Variants in SPRR2G observed in about 807,000 individuals in gnomAD.
SPRR2G encodes the protein small proline rich protein 2G.
In SPRR2G, 1 loss-of-function variant was observed where a neutral mutation model predicts 0.7. The observed-to-expected ratio is 1.49, with a 90% CI of 0.53 to 7.06. The LOEUF is 7.06. SPRR2G is among the 30% of genes most tolerant of loss of function. SPRR2G has a pLI of 0.14. For synonymous variants in SPRR2G, 38 were observed against 33.9 expected, an observed-to-expected ratio of 1.12 and a Z score of -0.42; for missense variants, 96 against 88.5, an observed-to-expected ratio of 1.09 and a Z score of -0.34.
At chr1:153,151,181 C>T (rs1384745456), upstream of SPRR2G, among the ~76,000 whole-genome samples, 2 of 150,852 alleles carry the variant, frequency 1.3e-5, no homozygotes, top group African/African-American at 5.0e-5. Context: ...CTCCTACTTC[C>T]CAGCTTCCAA....
chr1:153,200,638 C>T, the SPRR2G span, among the ~76,000 whole-genome samples: 1 of 151,624 alleles, frequency 6.6e-6, no homozygotes, highest in South Asian at 2.1e-4. Context: ...ATGAAGGAAT[C>T]GAGACCTGGA....
At chr1:153,174,861 C>A in the SPRR2G span, among the ~76,000 whole-genome samples, 1 of 152,212 alleles carries the variant, frequency 6.6e-6, no homozygotes, top group African/African-American at 2.4e-5. Context: ...TCAGGAAATC[C>A]AGTTTTGCTA....
At chr1:153,186,544 CT>C in the SPRR2G span, among the ~76,000 whole-genome samples, 46 of 151,006 alleles carry the variant, frequency 3.0e-4, no homozygotes, top group African/African-American at 9.4e-4. Flanking sequence ...AATCCCTGCT[CT>C]TTTTTTTTCT....
At chr1:153,190,476 G>C in the SPRR2G span, 1 of 152,264 alleles carries the variant, frequency 6.6e-6, no homozygotes, top group Non-Finnish European at 1.5e-5. Flanking sequence ...TTTTCACCCA[G>C]GAGACAACAT....
At chr1:153,181,580 C>T in the SPRR2G span, among the ~76,000 whole-genome samples, 14 of 152,052 alleles carry the variant, frequency 9.2e-5, 1 homozygote, top group Non-Finnish European at 1.6e-4. Context: ...CACATACACG[C>T]CTTTCCCAGC....
chr1:153,181,490 G>A, the SPRR2G span, among the ~76,000 whole-genome samples: 609 of 152,074 alleles, frequency 4.0e-3, 9 homozygotes, highest in African/African-American at 0.013. Flanking sequence ...TCTAATATCA[G>A]TCATTAGAAC....
chr1:153,201,876 A>G, the SPRR2G span, among the ~76,000 whole-genome samples: 1 of 152,316 alleles, frequency 6.6e-6, no homozygotes, highest in East Asian at 1.9e-4. Context: ...ATAACCACCC[A>G]AGAGGGTTGA....
At chr1:153,177,698 A>G in the SPRR2G span, among the ~76,000 whole-genome samples, 3 of 152,186 alleles carry the variant, frequency 2.0e-5, no homozygotes, top group Non-Finnish European at 4.4e-5. Flanking sequence ...ATTTATCTAT[A>G]TGTGTATTCA....
the SPRR2G span, among the ~76,000 whole-genome samples, chr1:153,200,960 C>T: frequency 6.6e-6 from 1 of 152,202 alleles, no homozygotes; most frequent in African/African-American, 2.4e-5. Flanking sequence ...CCCACCTCAG[C>T]CTCCCAAAGT....
chr1:153,164,335 G>C, the SPRR2G span, among the ~76,000 whole-genome samples: 2 of 152,318 alleles, frequency 1.3e-5, no homozygotes, highest in African/African-American at 4.8e-5. Context: ...AAGGTGAAAA[G>C]TGGGTGTACC....
the SPRR2G span, among the ~76,000 whole-genome samples, chr1:153,179,410 G>T: frequency 1.3e-5 from 2 of 152,038 alleles, no homozygotes; most frequent in Non-Finnish European, 2.9e-5. Flanking sequence ...CAAGGAATTT[G>T]TGCTTTTCAT....
At chr1:153,158,472 G>T in the SPRR2G span, among the ~76,000 whole-genome samples, 1 of 152,206 alleles carries the variant, frequency 6.6e-6, no homozygotes, top group Non-Finnish European at 1.5e-5. Context: ...ATGGTCTTTG[G>T]CAGCTCTGCC....
At chr1:153,158,753 C>T in the SPRR2G span, among the ~76,000 whole-genome samples, 1 of 152,240 alleles carries the variant, frequency 6.6e-6, no homozygotes, top group Non-Finnish European at 1.5e-5. Context: ...CCTGGACACT[C>T]AGGCATTTCC....
At chr1:153,198,746 G>A in the SPRR2G span, among the ~76,000 whole-genome samples, 1 of 152,214 alleles carries the variant, frequency 6.6e-6, no homozygotes, top group African/African-American at 2.4e-5. Context: ...AAATCAGCTT[G>A]AGGTACCAAA....
At chr1:153,181,228 G>C in the SPRR2G span, among the ~76,000 whole-genome samples, 1 of 151,978 alleles carries the variant, frequency 6.6e-6, no homozygotes, top group Non-Finnish European at 1.5e-5. Flanking sequence ...TTCTCCCAGA[G>C]TTTAGAATTT....
chr1:153,181,859 T>C, the SPRR2G span, among the ~76,000 whole-genome samples: 1 of 152,100 alleles, frequency 6.6e-6, no homozygotes, highest in East Asian at 1.9e-4. Flanking sequence ...ATCTTTGCTA[T>C]TGTGATAGTG....
the SPRR2G span, among the ~76,000 whole-genome samples, chr1:153,174,949 A>G: frequency 4.6e-5 from 7 of 152,104 alleles, no homozygotes; most frequent in South Asian, 4.1e-4. Context: ...AACACTTAAT[A>G]CCTCAGGCAG....
At chr1:153,181,204 A>G in the SPRR2G span, among the ~76,000 whole-genome samples, 2 of 152,086 alleles carry the variant, frequency 1.3e-5, no homozygotes, top group African/African-American at 4.8e-5. Flanking sequence ...TCCTATTGAC[A>G]AGATCTGAAG....
the SPRR2G span, among the ~76,000 whole-genome samples, chr1:153,187,079 T>G: frequency 6.6e-6 from 1 of 152,258 alleles, no homozygotes; most frequent in Non-Finnish European, 1.5e-5. Context: ...ATTAGTCTGA[T>G]GGGCTTCCCT....
Sources: allele counts gnomAD v4.1 joint callset (sites outside exome capture counted in the v4.1 genomes callset), GRCh38; gene constraint gnomAD v4.1.1; transcripts MANE v1.5; gene names NCBI Gene and HGNC (gene_info 2026-07-23, HGNC 2026-07-21).